DNAJC1: variants seen among roughly 807,000 people sequenced by gnomAD.
DNAJC1 encodes the protein DnaJ heat shock protein family (Hsp40) member C1.
DNAJC1 carries 58 observed loss-of-function variants against 76.6 expected under a neutral mutation model. The ratio of observed to expected loss-of-function variants is 0.76; its 90% CI spans 0.61 to 0.94. The LOEUF is 0.94. Among genes scored for constraint, DNAJC1 ranks in the 40% least tolerant of loss-of-function variants. The pLI, the probability that DNAJC1 is intolerant of heterozygous loss-of-function variation, is 0.00. For missense variants in DNAJC1, 689 were observed against 677.3 expected (o/e 1.02, Z -0.19); for synonymous variants, 258 against 267.9 (o/e 0.96, Z 0.36).
chr10:21,925,993 A>G (rs1356739124), intron 3 of DNAJC1, among the ~76,000 whole-genome samples: 2 of 152,236 alleles, frequency 1.3e-5, no homozygotes, highest in South Asian at 2.1e-4. Flanking sequence ...CTTTTGAGAC[A>G]GGGTCTTGCT....
intron 9 of DNAJC1, among the ~76,000 whole-genome samples, chr10:21,805,463 C>CACAA (rs1357470351): frequency 6.6e-6 from 1 of 151,632 alleles, no homozygotes; most frequent in African/African-American, 2.4e-5. Context: ...CACACACACA[C>CACAA]ACACACACAC....
At chr10:21,865,107 A>T (rs1590021687) in intron 8 of DNAJC1, among the ~76,000 whole-genome samples, 1 of 152,292 alleles carries the variant, frequency 6.6e-6, no homozygotes, top group African/African-American at 2.4e-5. Context: ...CTTCTCACAC[A>T]CTGCTGGTGG....
intron 8 of DNAJC1, among the ~76,000 whole-genome samples, chr10:21,866,481 T>C (rs1397575300): frequency 1.3e-5 from 2 of 152,052 alleles, no homozygotes; most frequent in Non-Finnish European, 2.9e-5. Flanking sequence ...AGTAAAAGCT[T>C]TGATTCACCA....
chr10:21,907,807 T>C (rs1057389252), intron 6 of DNAJC1, among the ~76,000 whole-genome samples: 2 of 149,824 alleles, frequency 1.3e-5, no homozygotes, highest in African/African-American at 4.9e-5. Flanking sequence ...TGAAGCCCCA[T>C]GTGTACTAAA....
intron 8 of DNAJC1, among the ~76,000 whole-genome samples, chr10:21,859,713 T>G (rs902242476): frequency 1.3e-5 from 2 of 152,170 alleles, no homozygotes; most frequent in Non-Finnish European, 2.9e-5. Flanking sequence ...TTGTGAGATC[T>G]TTTAGATTAT....
At chr10:21,856,604 A>G (rs751290345) in intron 8 of DNAJC1, among the ~76,000 whole-genome samples, 35 of 152,158 alleles carry the variant, frequency 2.3e-4, no homozygotes, top group Non-Finnish European at 4.1e-4. Flanking sequence ...CTAAGAACCA[A>G]TTAAAAAAAA....
chr10:21,773,144 C>T (rs952712071), intron 9 of DNAJC1, among the ~76,000 whole-genome samples: 1 of 152,118 alleles, frequency 6.6e-6, no homozygotes, highest in Non-Finnish European at 1.5e-5. Context: ...CATATCACTG[C>T]CCTGCTTTTT....
rs367957606 is a variant in DNAJC1, at chr10:21,918,845, A to G, written c.663T>C (p.Asp221=). ...ERLLMKPQWH[D]LLPCKLGIWF... is the part of the protein sequence containing the mutation. ...AAATCCCCAGTTTGCATGGAAGCAAATCATGCCACTGTGGTTTCATCAGCA... is the reference window on the plus strand; with the variant it reads ...AAATCCCCAGTTTGCATGGAAGCAAGTCATGCCACTGTGGTTTCATCAGCA... The change falls in exon 6 of 12, where the codon GAT becomes GAC. Residue 221 remains aspartate (D), a synonymous_variant. Coordinates refer to ENST00000376980, the MANE Select transcript of DNAJC1 (RefSeq NM_022365.4). The G allele has an allele frequency of 1.4e-5, 22 of 1,613,192 alleles. No individual in the cohort carries two copies. The highest frequency in any genetic ancestry group is 1.5e-5 in the Non-Finnish European group (18 of 1,179,398).
intron 8 of DNAJC1, among the ~76,000 whole-genome samples, chr10:21,847,235 A>G (rs760421976): frequency 3.1e-4 from 47 of 152,156 alleles, no homozygotes; most frequent in Non-Finnish European, 5.9e-4. Context: ...AAGTAGTCAT[A>G]AAAATGTCAC....
chr10:21,872,424 T>C (rs1462160584), intron 8 of DNAJC1, among the ~76,000 whole-genome samples: 1 of 152,118 alleles, frequency 6.6e-6, no homozygotes, highest in Non-Finnish European at 1.5e-5. Context: ...TCTAAAGAAT[T>C]AAATGAAAGT....
chr10:21,798,929 T>C (rs956445645), intron 9 of DNAJC1, among the ~76,000 whole-genome samples: 1 of 152,210 alleles, frequency 6.6e-6, no homozygotes, highest in African/African-American at 2.4e-5. Context: ...AAATTAGTGA[T>C]ACAGCCATAT....
chr10:21,838,438 A>T (rs1406976805), intron 8 of DNAJC1, among the ~76,000 whole-genome samples: 27 of 152,096 alleles, frequency 1.8e-4, no homozygotes, highest in Non-Finnish European at 2.9e-5. Context: ...GCTCCTTAAG[A>T]GTCATCACCA....
intron 1 of DNAJC1, among the ~76,000 whole-genome samples, chr10:21,952,412 A>T (rs568965150): frequency 6.6e-6 from 1 of 152,264 alleles, no homozygotes; most frequent in South Asian, 2.1e-4. Context: ...TAACCTAGGT[A>T]ATTGTGTACT....
chr10:21,852,923 A>G (rs989276078), intron 8 of DNAJC1, among the ~76,000 whole-genome samples: 2 of 152,152 alleles, frequency 1.3e-5, no homozygotes, highest in African/African-American at 4.8e-5. Context: ...TGACTCCACC[A>G]TTTACTAGTT....
chr10:21,931,201 C>T (rs1327588452), intron 1 of DNAJC1, among the ~76,000 whole-genome samples: 1 of 152,148 alleles, frequency 6.6e-6, no homozygotes, highest in African/African-American at 2.4e-5. Context: ...CTTGGCTCAT[C>T]CTCCTGGTCC....
chr10:21,826,173 G>A (rs866115980), intron 8 of DNAJC1, among the ~76,000 whole-genome samples: 13 of 140,858 alleles, frequency 9.2e-5, no homozygotes, highest in Middle Eastern at 7.8e-3. Context: ...GGGAGGCAGA[G>A]GTTTCAGTGA....
intron 9 of DNAJC1, among the ~76,000 whole-genome samples, chr10:21,786,874 T>C (rs1045358357): frequency 6.6e-6 from 1 of 152,202 alleles, no homozygotes; most frequent in African/African-American, 2.4e-5. Context: ...TTGTTTGTTG[T>C]ATAGCTACTC....
At chr10:21,838,095 T>C (rs1165626184) in intron 8 of DNAJC1, among the ~76,000 whole-genome samples, 1 of 151,568 alleles carries the variant, frequency 6.6e-6, no homozygotes, top group African/African-American at 2.4e-5. Context: ...GGAGCCCCTC[T>C]GCCCGGCCGC....
At chr10:21,980,594 G>C (rs2131837020) in intron 1 of DNAJC1, among the ~76,000 whole-genome samples, 1 of 152,176 alleles carries the variant, frequency 6.6e-6, no homozygotes. Flanking sequence ...TCTGCACCAG[G>C]AAAAGGATGT....
Sources: allele counts gnomAD v4.1 joint callset (sites outside exome capture counted in the v4.1 genomes callset), GRCh38; gene constraint gnomAD v4.1.1; transcripts MANE v1.5; gene names NCBI Gene and HGNC (gene_info 2026-07-23, HGNC 2026-07-21).